The following UEVLD variants were observed in gnomAD, a reference collection of about 807,000 sequenced individuals.
UEVLD encodes ubiquitin-conjugating enzyme E2 variant 3.
UEVLD carries 47 observed loss-of-function variants against 58.6 expected under a neutral mutation model. The observed-to-expected ratio is 0.80, with a 90% CI of 0.63 to 1.02. UEVLD has a LOEUF of 1.02. UEVLD is among the 50% of genes least tolerant of loss of function. The pLI is 0.00. For synonymous variants in UEVLD, 197 were observed against 195.3 expected, an observed-to-expected ratio of 1.01 and a Z score of -0.07; for missense variants, 510 against 550.6, an observed-to-expected ratio of 0.93 and a Z score of 0.74.
chr11:18,581,083 A>C (rs753224567), intron 1 of UEVLD, among the ~76,000 whole-genome samples: 30 of 151,092 alleles, frequency 2.0e-4, no homozygotes, highest in Non-Finnish European at 3.4e-4. Context: ...AATCGCTTAA[A>C]CCCAGGAGGC....
intron 6 of UEVLD, among the ~76,000 whole-genome samples, chr11:18,560,138 C>CACACACACACACACACACACACACACAG (rs368897951): frequency 0.018 from 1,319 of 74,208 alleles, 115 homozygotes; most frequent in Middle Eastern, 0.032. Context: ...CACACACACA[C>CACACACACACACACACACACACACACAG]AGAGAGAGAA....
chr11:18,566,550 G>A (rs543734072), intron 4 of UEVLD, 68 bp from the exon 5 acceptor site: 3 of 1,536,894 alleles, frequency 2.0e-6, no homozygotes, highest in East Asian at 4.6e-5. Context: ...CTTTGTTGAG[G>A]CAGGAGTATT....
rs1288274739 is a variant in UEVLD at position 18,534,298 on chromosome 11, A to C, written c.1248+32T>G. ...TTTGTATTAATAATATCTAAGTTTA[A>C]AATATAATAAGAGAATAAGAATAGC... is the stretch of plus-strand genomic sequence containing the variant. On this transcript the variant is annotated intron_variant, in intron 11 of 11. Coordinates refer to ENST00000396197, the MANE Select transcript of UEVLD (RefSeq NM_001040697.4). 5 of 1,429,926 alleles carry C rather than the reference A, an allele frequency of 3.5e-6. No individual in the cohort carries two copies. The African/African-American group carries it at 6.0e-5, about 17-fold the overall frequency. The allele number at this position is 1,429,926 out of a possible 1,614,324, so 88.6% of individuals were successfully genotyped here.
At chr11:18,570,992 T>A (rs1852580546) in intron 3 of UEVLD, among the ~76,000 whole-genome samples, 1 of 149,420 alleles carries the variant, frequency 6.7e-6, no homozygotes, top group Non-Finnish European at 1.5e-5. Context: ...ATAGCCAGAG[T>A]GGCAGCCCAA....
At chr11:18,557,885 G>C (rs967335479) in intron 7 of UEVLD, among the ~76,000 whole-genome samples, 1 of 152,176 alleles carries the variant, frequency 6.6e-6, no homozygotes, top group African/African-American at 2.4e-5. Flanking sequence ...ACTTCTATCT[G>C]TAGAACTCTA....
At chr11:18,574,459 T>C (rs578053324) in intron 3 of UEVLD, among the ~76,000 whole-genome samples, 8 of 152,280 alleles carry the variant, frequency 5.3e-5, no homozygotes, top group African/African-American at 1.7e-4. Flanking sequence ...TTTCTAATGG[T>C]GAAATTTCAG....
rs148748030 is a variant in UEVLD at position 18,588,661 on chromosome 11, G to A, written c.-7C>T. The stretch of plus-strand genomic sequence containing the variant: ...CCTCGCAGTCGAACTCCATCTCCAG[G>A]CCGGTCCCGAGCTAGGTCCCAGGAC... On this transcript the variant is annotated 5_prime_UTR_variant, in exon 1 of 12. Coordinates refer to ENST00000396197, the MANE Select transcript of UEVLD (RefSeq NM_001040697.4). 3.1e-6 allele frequency: 5 copies of A among 1,608,588 alleles called. No individual in the cohort carries two copies. In the African/African-American group the frequency reaches 5.3e-5, roughly 17 times the overall value.
At position 18,545,075 on chromosome 11, in the gene UEVLD, T is replaced by TATATATA. The variant is rs60959151; in HGVS notation, c.887-280_887-279insTATATAT. 3.1e-3 allele frequency among the ~76,000 whole-genome samples: 362 copies of TATATATA among 117,182 alleles called. 4 individuals carry two copies. The highest frequency in any genetic ancestry group is 0.012 in the East Asian group (49 of 4,210). The allele number at this position is 117,182 out of a possible 152,430, so 76.9% of individuals were successfully genotyped here. A position where few individuals can be genotyped will look rare whatever the true frequency, so the allele number is the denominator to read the frequency against. On this transcript the variant is annotated intron_variant, in intron 8 of 11. Coordinates refer to ENST00000396197, the MANE Select transcript of UEVLD (RefSeq NM_001040697.4). Reference sequence around the variant, plus strand: ...ATCTATATCTATATCTATATCTATATTTTTTTTTTTTTTTTGAGATGGAGT... The same window carrying TATATATA: ...ATCTATATCTATATCTATATCTATATATATATATTTTTTTTTTTTTTTGAGATGGAGT...
At chr11:18,585,305 T>C (rs1021961254) in intron 1 of UEVLD, among the ~76,000 whole-genome samples, 2 of 152,232 alleles carry the variant, frequency 1.3e-5, no homozygotes, top group African/African-American at 4.8e-5. Flanking sequence ...ATAACATTTA[T>C]CTTTTTAGGT....
At chr11:18,560,654 G>A (rs1351269589) in intron 6 of UEVLD, among the ~76,000 whole-genome samples, 1 of 152,158 alleles carries the variant, frequency 6.6e-6, no homozygotes, top group Admixed American at 6.5e-5. Context: ...GATTGAAAAA[G>A]TTTTAAAATG....
chr11:18,543,384 A>G (rs948647381), intron 9 of UEVLD, among the ~76,000 whole-genome samples: 1 of 152,180 alleles, frequency 6.6e-6, no homozygotes, highest in Non-Finnish European at 1.5e-5. Context: ...TTCTGCAACA[A>G]CTAGTCCACA....
chr11:18,532,900 G>A (rs947178555), intron 11 of UEVLD, among the ~76,000 whole-genome samples: 1 of 152,138 alleles, frequency 6.6e-6, no homozygotes, highest in African/African-American at 2.4e-5. Context: ...CCATAAGAGT[G>A]TGTATTTGTG....
intron 9 of UEVLD, among the ~76,000 whole-genome samples, chr11:18,538,441 G>A (rs951333316): frequency 1.3e-5 from 2 of 151,742 alleles, no homozygotes; most frequent in African/African-American, 4.8e-5. Context: ...AGACTCCCAA[G>A]TAGCTGGGAT....
chr11:18,541,224 A>T (rs1459595748), intron 9 of UEVLD, among the ~76,000 whole-genome samples: 1 of 152,220 alleles, frequency 6.6e-6, no homozygotes, highest in East Asian at 1.9e-4. Context: ...CAAAACTTGT[A>T]AATTAGAGAG....
rs1395564815 is a variant in UEVLD at position 18,530,732 on chromosome 11, T to TA, written c.*1587_*1588insT. 1.3e-5 allele frequency: 2 copies of TA among 151,448 alleles called. No individual in the cohort carries two copies. Among genetic ancestry groups the TA allele is most frequent in the African/African-American group, 4.9e-5 (2 of 41,084 alleles). 9.4% of individuals were successfully genotyped at this position (151,448 alleles called of 1,614,324 possible). ...CACCTGGCTAATTTTTAAACTTTTT[T>TA]TTTTTTTTTTTGAGACGGAGTCTTG... On this transcript the variant is annotated 3_prime_UTR_variant, in exon 12 of 12. Coordinates refer to ENST00000396197, the MANE Select transcript of UEVLD (RefSeq NM_001040697.4).
intron 6 of UEVLD, among the ~76,000 whole-genome samples, 197 bp downstream of exon 6, chr11:18,564,695 C>T (rs1852211099): frequency 6.6e-6 from 1 of 152,156 alleles, no homozygotes; most frequent in African/African-American, 2.4e-5. Flanking sequence ...GTTCAAATCA[C>T]TTTTTTAAAC....
intron 4 of UEVLD, among the ~76,000 whole-genome samples, chr11:18,568,943 G>A (rs1032444785): frequency 6.6e-6 from 1 of 151,934 alleles, no homozygotes; most frequent in Admixed American, 6.6e-5. Flanking sequence ...CGCCCAGGCT[G>A]GAGTGCAGTG....
intron 3 of UEVLD, among the ~76,000 whole-genome samples, chr11:18,572,383 G>C (rs1852669159): frequency 6.6e-6 from 1 of 152,184 alleles, no homozygotes; most frequent in South Asian, 2.1e-4. Flanking sequence ...AATATTAACA[G>C]AAGTTCCATG....
intron 6 of UEVLD, 76 bp from the exon 7 acceptor site, chr11:18,558,406 A>G: frequency 2.1e-6 from 2 of 957,384 alleles, no homozygotes; most frequent in Non-Finnish European, 3.1e-6. Context: ...AATGAGGACT[A>G]AAGGACAATA....
Sources: allele counts gnomAD v4.1 joint callset (sites outside exome capture counted in the v4.1 genomes callset), GRCh38; gene constraint gnomAD v4.1.1; transcripts MANE v1.5; gene names NCBI Gene and HGNC (gene_info 2026-07-23, HGNC 2026-07-21).